Variants in NASP observed in about 807,000 individuals in gnomAD.
NASP encodes NASP histone chaperone.
NASP carries 24 observed loss-of-function variants against 89.5 expected under a neutral mutation model. The observed-to-expected ratio is 0.27, with a 90% confidence interval of 0.19 to 0.38. The LOEUF is 0.38. NASP is among the 10% of genes least tolerant of loss of function. NASP has a pLI of 1.00. For missense variants in NASP, 848 were observed against 921.4 expected (o/e 0.92, Z 1.03); for synonymous variants, 306 against 324.7 (o/e 0.94, Z 0.62).
intron 2 of NASP, among the ~76,000 whole-genome samples, chr1:45,592,373 T>G (rs1257676727): frequency 1.3e-5 from 2 of 152,202 alleles, no homozygotes; most frequent in African/African-American, 4.8e-5. Context: ...TTGGCTTCCC[T>G]AAGTGTTGGG....
Position 45,607,991 on chromosome 1 carries a change from A to T in NASP, c.1080A>T (p.Gly360=). The T allele has an allele frequency of 6.2e-7, 1 of 1,613,920 alleles. No homozygotes were observed. The highest frequency in any genetic ancestry group is 8.5e-7 in the Non-Finnish European group (1 of 1,179,956). The change falls in exon 6 of 15, where the codon GGA becomes GGT. Residue 360 remains glycine (G), a synonymous_variant. Coordinates refer to ENST00000350030, the MANE Select transcript of NASP (RefSeq NM_002482.4). ...CAGAGGCCTCAGCTGTAGAGGCTGG[A>T]TCAGAAGTCTCTGAAAAGCCTGGGC... The part of the protein sequence containing the change: ...EAAEASAVEA[G]SEVSEKPGQE...
intron 3 of NASP, 137 bp downstream of exon 3, chr1:45,602,502 A>G (rs1225553642): frequency 1.5e-5 from 12 of 785,956 alleles, no homozygotes; most frequent in Admixed American, 6.0e-5. Context: ...GGTTTGTACC[A>G]GTAACTATAA....
rs1644154492 is a variant in NASP at position 45,618,798 on chromosome 1, TTTG to T, written c.*660_*662del. 6.6e-6 allele frequency: 1 copy of T among 152,202 alleles called. No individual in the cohort carries two copies. The highest frequency in any genetic ancestry group is 2.1e-4 in the South Asian group (1 of 4,838). 9.4% of individuals were successfully genotyped at this position (152,202 alleles called of 1,614,324 possible). ...ATGTGGGGAGGCTGGCTGGTTGAGTTTTGTTATTTTCTGTATAGAAAGGTTGAG... is the reference window on the plus strand; with the variant it reads ...ATGTGGGGAGGCTGGCTGGTTGAGTTTTATTTTCTGTATAGAAAGGTTGAG... On this transcript the variant is annotated 3_prime_UTR_variant, in exon 15 of 15. Coordinates refer to ENST00000350030, the MANE Select transcript of NASP (RefSeq NM_002482.4).
chr1:45,600,827 A>G (rs1276997539), intron 2 of NASP, among the ~76,000 whole-genome samples: 1 of 152,234 alleles, frequency 6.6e-6, no homozygotes, highest in Admixed American at 6.5e-5. Context: ...TAGTTGCCCT[A>G]CATCCTCACC....
At position 45,613,206 on chromosome 1, in the gene NASP, T is replaced by G. The variant is rs571476551; in HGVS notation, c.1464T>G (p.Asp488Glu). 9 of 1,611,796 alleles carry G rather than the reference T, an allele frequency of 5.6e-6. No homozygotes were observed. The highest frequency in any genetic ancestry group is 1.3e-5 in the African/African-American group (1 of 74,862). ...CAGAAGAGGATGATAAAGAAAATGA[T>G]AAGACCGAAGAAATGCCAAATGATT... is the stretch of plus-strand genomic sequence containing the variant. ...EGSEEDDKEN[D>E]KTEEMPNDSV... is the part of the protein sequence containing the mutation. The change falls in exon 7 of 15, where the codon GAT becomes GAG. Residue 488 changes from aspartate to glutamate, a missense_variant. By Grantham distance (45) the Asp-to-Glu change is conservative. Transcript: ENST00000350030.
At chr1:45,597,547 A>G (rs1212903894) in intron 2 of NASP, among the ~76,000 whole-genome samples, 1 of 152,180 alleles carries the variant, frequency 6.6e-6, no homozygotes, top group East Asian at 1.9e-4. Context: ...CAGTGCCACT[A>G]TTCTTACCAA....
At chr1:45,590,870 G>GAT (rs1323260640) in intron 1 of NASP, among the ~76,000 whole-genome samples, 1 of 152,046 alleles carries the variant, frequency 6.6e-6, no homozygotes, top group African/African-American at 2.4e-5. Flanking sequence ...AAAACTATTC[G>GAT]ATATACATGA....
chr1:45,614,192 T>C lies in NASP; in HGVS notation c.1592+11T>C, dbSNP rs2148371348. The C allele has an allele frequency of 6.2e-7, 1 of 1,607,922 alleles. No individual in the cohort carries two copies. Among genetic ancestry groups the C allele is most frequent in the Non-Finnish European group, 8.5e-7 (1 of 1,174,368 alleles). ...GATCATTTTTAAAAGGTAAAACTCT[T>C]GGTGCTTCTAGGCTTGGGTTGGGAG... On this transcript the variant is annotated intron_variant, in intron 8 of 14. Coordinates refer to ENST00000350030, the MANE Select transcript of NASP (RefSeq NM_002482.4).
intron 1 of NASP, chr1:45,588,865 C>G (rs528917062): frequency 1.2e-5 from 3 of 240,478 alleles, no homozygotes; most frequent in Non-Finnish European, 2.5e-5. Flanking sequence ...TGCAGTGAGC[C>G]GAGATCGAGA....
chr1:45,606,099 A>G (rs1448775197), intron 4 of NASP, among the ~76,000 whole-genome samples: 2 of 152,168 alleles, frequency 1.3e-5, no homozygotes, highest in African/African-American at 4.8e-5. Flanking sequence ...TAATCTCGTA[A>G]TCATACAGAA....
At chr1:45,614,455 T>G in intron 9 of NASP, 89 bp downstream of exon 9, 1 of 1,054,562 alleles carries the variant, frequency 9.5e-7, no homozygotes, top group Non-Finnish European at 1.5e-6. Flanking sequence ...ACTTGATCTT[T>G]AAAAAGATAG....
Position 45,617,524 on chromosome 1 carries a change from A to G in NASP, c.2219A>G (p.Glu740Gly). 1 of 1,612,324 alleles carries G rather than the reference A, an allele frequency of 6.2e-7. No individual in the cohort carries two copies. Among genetic ancestry groups the G allele is most frequent in the Non-Finnish European group, 8.5e-7 (1 of 1,179,416 alleles). ...GCAAAGAAAGCCAAACAAGAGCCGG[A>G]GGTGAACGGAGGCAGTGGGGATGCT... Reference protein sequence around the residue: ...DDAKKAKQEPEVNGGSGDAVP... With the variant: ...DDAKKAKQEPGVNGGSGDAVP... The change falls in exon 14 of 15, where the codon GAG becomes GGG. Residue 740 changes from glutamate to glycine, a missense_variant. Transcript: ENST00000350030.
In NASP at chr1:45,591,242, C is replaced by T. The variant is rs1553169737; in HGVS notation, c.79C>T (p.Pro27Ser). 1.3e-6 allele frequency: 2 copies of T among 1,545,880 alleles called. No individual in the cohort carries two copies. Among genetic ancestry groups the T allele is most frequent in the South Asian group, 2.5e-5 (2 of 78,790 alleles). The change falls in exon 2 of 15, where the codon CCT (proline) becomes TCT (serine). Residue 27 changes from proline to serine, a missense_variant. Physicochemically the swap from Pro to Ser is moderately conservative, Grantham distance 74. Around this residue, in one of 5 missense-constraint regions of NASP, gnomAD observed 89 missense variants for 79.2 expected, o/e 1.12. Coordinates refer to ENST00000350030, the MANE Select transcript of NASP (RefSeq NM_002482.4). ...TTACAGAATTGAAGATGTTCCTGCT[C>T]CTTCTACATCTGCAGATAAAGTGGA... ...SADKIEDVPAPSTSADKVESL... is the reference protein window; with the variant it reads ...SADKIEDVPASSTSADKVESL...
At chr1:45,617,691 C>T (rs1328551414) in intron 14 of NASP, 100 bp downstream of exon 14, 2 of 1,374,746 alleles carry the variant, frequency 1.5e-6, no homozygotes, top group African/African-American at 2.9e-5. Context: ...CTTGAGCCTG[C>T]TAACGATTGT....
intron 6 of NASP, chr1:45,609,481 C>T (rs1353116157): frequency 3.5e-5 from 5 of 143,980 alleles, no homozygotes; most frequent in African/African-American, 1.1e-4. Flanking sequence ...GAAAAAAGCA[C>T]AGAACTAAAT....
chr1:45,618,151 C>T lies in NASP; in HGVS notation c.*10C>T. ...AAGCACTGCATGTTAAGAGGGGGCA[C>T]AGCCCTCCTCCCAAGGGAAAGTGTT... is the stretch of plus-strand genomic sequence containing the variant. On this transcript the variant is annotated 3_prime_UTR_variant, in exon 15 of 15. Coordinates refer to ENST00000350030, the MANE Select transcript of NASP (RefSeq NM_002482.4). 5.7e-6 allele frequency: 9 copies of T among 1,575,728 alleles called. No homozygotes were observed. Among genetic ancestry groups the T allele is most frequent in the Non-Finnish European group, 5.2e-6 (6 of 1,157,852 alleles).
rs762684384 is a variant in NASP at position 45,608,174 on chromosome 1, T to G, written c.1263T>G (p.Ser421Arg). The change falls in exon 6 of 15, where the codon AGT becomes AGG. Residue 421 changes from serine (S) to arginine (R), a missense_variant. Physicochemically the swap from Ser to Arg is moderately radical, Grantham distance 110 (BLOSUM62 -1). Around this residue, in one of 5 missense-constraint regions of NASP, gnomAD observed 464 missense variants for 469.4 expected, o/e 0.99. Transcript: ENST00000350030. ...EEKVRAKLVP[S>R]QEETKLSVEE... Reference sequence around the variant, plus strand: ...AGGTCAGGGCAAAGCTGGTTCCTAGTCAGGAGGAGACTAAGCTGTCTGTAG... The same window carrying G: ...AGGTCAGGGCAAAGCTGGTTCCTAGGCAGGAGGAGACTAAGCTGTCTGTAG... 1.9e-6 allele frequency: 3 copies of G among 1,614,122 alleles called. No individual in the cohort carries two copies. The highest frequency in any genetic ancestry group is 2.5e-6 in the Non-Finnish European group (3 of 1,180,004).
chr1:45,587,978 C>T (rs1644581913), intron 1 of NASP, among the ~76,000 whole-genome samples: 1 of 151,466 alleles, frequency 6.6e-6, no homozygotes, highest in African/African-American at 2.4e-5. Context: ...GTGTGGCTCA[C>T]GTGGTAATCC....
At chr1:45,585,573 G>T (rs1033814901) in intron 1 of NASP, among the ~76,000 whole-genome samples, 2 of 152,030 alleles carry the variant, frequency 1.3e-5, no homozygotes, top group Non-Finnish European at 2.9e-5. Flanking sequence ...ATTGGGCTTG[G>T]GAGTCGTGCT....
Sources: gnomAD v4.1 joint callset for allele counts (sites outside exome capture counted in the v4.1 genomes callset) on GRCh38, gnomAD v4.1.1 for gene constraint, gnomAD v4.1.1 regional missense constraint, MANE v1.5 for transcripts, NCBI Gene and HGNC (gene_info 2026-07-23, HGNC 2026-07-21) for gene names.